Variants in UNC5D observed in about 807,000 individuals in gnomAD.
UNC5D encodes the protein unc-5 netrin receptor D, also known as netrin receptor UNC5D.
UNC5D carries 39 observed loss-of-function variants against 105.4 expected under a neutral mutation model. The ratio of observed to expected loss-of-function variants is 0.37; its 90% CI spans 0.29 to 0.48. The LOEUF is 0.48. Among genes scored for constraint, UNC5D ranks in the 20% least tolerant of loss-of-function variants. The pLI is 0.98. For missense variants in UNC5D, 991 were observed against 1,202.4 expected (o/e 0.82, Z 2.60); for synonymous variants, 452 against 450.4 (o/e 1.00, Z -0.04).
intron 1 of UNC5D, among the ~76,000 whole-genome samples, chr8:35,361,723 T>C (rs1358839032): frequency 6.6e-6 from 1 of 152,268 alleles, no homozygotes; most frequent in South Asian, 2.1e-4. Context: ...AGATGAAATT[T>C]TCCAGTCTTG....
chr8:35,746,633 C>G (rs1402831388), intron 11 of UNC5D, among the ~76,000 whole-genome samples: 1 of 152,176 alleles, frequency 6.6e-6, no homozygotes, highest in East Asian at 1.9e-4. Flanking sequence ...AGGAGTCTTG[C>G]TATTCACAAC....
chr8:35,344,857 A>G (rs892082639), intron 1 of UNC5D, among the ~76,000 whole-genome samples: 1 of 152,066 alleles, frequency 6.6e-6, no homozygotes, highest in South Asian at 2.1e-4. Flanking sequence ...TCCTTTAAGA[A>G]GCACACGTTT....
At chr8:35,767,246 T>G (rs546152758) in intron 15 of UNC5D, among the ~76,000 whole-genome samples, 180 bp downstream of exon 15, 7 of 152,300 alleles carry the variant, frequency 4.6e-5, no homozygotes, top group African/African-American at 1.7e-4. Context: ...TGAACTAAAC[T>G]TCCCCCTGGG....
At chr8:35,338,607 G>A (rs1811226125) in intron 1 of UNC5D, among the ~76,000 whole-genome samples, 1 of 152,076 alleles carries the variant, frequency 6.6e-6, no homozygotes, top group African/African-American at 2.4e-5. Flanking sequence ...ACTGGCATCT[G>A]GCCAGTAGCA....
chr8:35,354,252 A>C (rs1801426207), intron 1 of UNC5D, among the ~76,000 whole-genome samples: 1 of 151,920 alleles, frequency 6.6e-6, no homozygotes, highest in Non-Finnish European at 1.5e-5. Context: ...TGCCATGTTT[A>C]TTCTCTTTTC....
chr8:35,254,904 A>T (rs2128815320), intron 1 of UNC5D: 1 of 152,310 alleles, frequency 6.6e-6, no homozygotes, highest in African/African-American at 2.4e-5. Context: ...TAAATGAAAA[A>T]ATCAAAGAAG....
At chr8:35,302,716 T>TA (rs1478624212) in intron 1 of UNC5D, among the ~76,000 whole-genome samples, 1 of 152,172 alleles carries the variant, frequency 6.6e-6, no homozygotes, top group Non-Finnish European at 1.5e-5. Flanking sequence ...AAGAAAAACT[T>TA]ACGGTATAGG....
intron 2 of UNC5D, among the ~76,000 whole-genome samples, chr8:35,567,778 C>T (rs533313697): frequency 6.6e-6 from 1 of 152,094 alleles, no homozygotes; most frequent in Non-Finnish European, 1.5e-5. Flanking sequence ...TGGAGAATCC[C>T]AGCAATCAAC....
At chr8:35,678,772 TCTCTTTC>T (rs2088583277) in intron 4 of UNC5D, among the ~76,000 whole-genome samples, 1 of 152,218 alleles carries the variant, frequency 6.6e-6, no homozygotes, top group Non-Finnish European at 1.5e-5. Context: ...GCATGCTTTT[TCTCTTTC>T]CTCCTTGCAT....
intron 1 of UNC5D, among the ~76,000 whole-genome samples, chr8:35,393,219 G>A (rs1398697987): frequency 3.1e-5 from 4 of 127,120 alleles, no homozygotes; most frequent in Non-Finnish European, 6.3e-5. Context: ...TGCAGGCTCC[G>A]CCCCCTGGGG....
At position 35,430,943 on chromosome 8, in the gene UNC5D, G is replaced by A. The variant is rs115508338; in HGVS notation, c.104-118349G>A. ...ACAAACACACTACTTAAGTGCTGTC[G>A]TAGAATGTTGAACATTGTGATGGAC... On this transcript the variant is annotated intron_variant, in intron 1 of 16. Coordinates refer to ENST00000404895, the MANE Select transcript of UNC5D (RefSeq NM_080872.4). 2.8e-3 allele frequency among the ~76,000 whole-genome samples: 420 copies of A among 152,208 alleles called. 4 individuals are homozygous for A. Among genetic ancestry groups the A allele is most frequent in the African/African-American group, 9.5e-3 (393 of 41,534 alleles).
intron 1 of UNC5D, among the ~76,000 whole-genome samples, chr8:35,492,989 T>A (rs770554207): frequency 9.2e-5 from 14 of 152,202 alleles, no homozygotes; most frequent in Admixed American, 2.6e-4. Context: ...CCCATGAAAT[T>A]CCTAGGGTGG....
chr8:35,469,650 G>T (rs1369462415), intron 1 of UNC5D, among the ~76,000 whole-genome samples: 2 of 152,128 alleles, frequency 1.3e-5, no homozygotes, highest in Non-Finnish European at 2.9e-5. Context: ...AGTAAAAAAG[G>T]TAGAGATTAT....
At chr8:35,630,083 T>C (rs1297189307) in intron 4 of UNC5D, among the ~76,000 whole-genome samples, 1 of 152,252 alleles carries the variant, frequency 6.6e-6, no homozygotes, top group Non-Finnish European at 1.5e-5. Flanking sequence ...GGCAAATCTT[T>C]TATTGTCTGG....
intron 1 of UNC5D, among the ~76,000 whole-genome samples, chr8:35,291,389 C>T (rs1807055117): frequency 6.6e-6 from 1 of 152,128 alleles, no homozygotes; most frequent in Non-Finnish European, 1.5e-5. Context: ...ATAAGTCAAC[C>T]AGCAAACTAT....
chr8:35,308,172 A>G (rs1409323193), intron 1 of UNC5D, among the ~76,000 whole-genome samples: 2 of 150,332 alleles, frequency 1.3e-5, no homozygotes, highest in Non-Finnish European at 3.0e-5. Context: ...ATAATCTTAG[A>G]GGTGGCAGCC....
chr8:35,622,942 C>T (rs1330050377), intron 4 of UNC5D, among the ~76,000 whole-genome samples: 1 of 152,088 alleles, frequency 6.6e-6, no homozygotes, highest in Non-Finnish European at 1.5e-5. Context: ...GTGTAGCTAC[C>T]GTTGAACTCA....
chr8:35,309,547 A>T (rs1808713653), intron 1 of UNC5D, among the ~76,000 whole-genome samples: 1 of 152,180 alleles, frequency 6.6e-6, no homozygotes, highest in Non-Finnish European at 1.5e-5. Flanking sequence ...CCTTTGAAAC[A>T]AGCCAAGGAC....
At chr8:35,302,376 A>G (rs949448987) in intron 1 of UNC5D, among the ~76,000 whole-genome samples, 4 of 152,198 alleles carry the variant, frequency 2.6e-5, no homozygotes, top group Non-Finnish European at 5.9e-5. Flanking sequence ...ACAACTGAAA[A>G]ATGATGCAAC....
Sources: allele counts gnomAD v4.1 joint callset (sites outside exome capture counted in the v4.1 genomes callset), GRCh38; gene constraint gnomAD v4.1.1; transcripts MANE v1.5; gene names NCBI Gene and HGNC (gene_info 2026-07-23, HGNC 2026-07-21).